LRPPRC: variants seen among roughly 807,000 people sequenced by gnomAD.
LRPPRC encodes leucine-rich PPR motif-containing protein, mitochondrial.
In LRPPRC, 120 loss-of-function variants were observed where a neutral mutation model predicts 180.3. The ratio of observed to expected loss-of-function variants is 0.67; its 90% CI spans 0.57 to 0.77. The LOEUF is 0.77. LRPPRC is among the 30% of genes least tolerant of loss of function. The probability of loss-of-function intolerance (pLI) is 0.00; values close to 1 mark genes in which losing one functional copy is unlikely to be tolerated. For missense variants in LRPPRC, 2,012 were observed against 1,657.2 expected (o/e 1.21, Z -3.72); for synonymous variants, 723 against 600.0 (o/e 1.21, Z -3.00).
intron 1 of LRPPRC, 87 bp from the exon 2 acceptor site, chr2:43,982,521 G>A: frequency 1.0e-5 from 10 of 964,118 alleles, no homozygotes; most frequent in Non-Finnish European, 1.6e-5. Flanking sequence ...TTTAAAATTA[G>A]TTATTAAACA....
At chr2:43,940,363 C>T (rs1217174398) in intron 23 of LRPPRC, among the ~76,000 whole-genome samples, 1 of 152,088 alleles carries the variant, frequency 6.6e-6, no homozygotes. Flanking sequence ...TTTTAAAAAG[C>T]CTATTTCCCA....
Position 43,899,236 on chromosome 2 carries a change from C to T in LRPPRC, c.3808G>A (p.Ala1270Thr). 6.2e-7 allele frequency: 1 copy of T among 1,613,770 alleles called. No homozygotes were observed. The highest frequency in any genetic ancestry group is 8.5e-7 in the Non-Finnish European group (1 of 1,179,702). Residue 1270 changes from alanine (A) to threonine (T), a missense_variant, in exon 34 of 38, where the codon GCC becomes ACC. Physicochemically the swap from Ala to Thr is moderately conservative, Grantham distance 58. Transcript: ENST00000260665. ...QLVDAGKVDD[A>T]RALLQRCGAI... is the part of the protein sequence containing the mutation. ...GTCATTACCTGTAGGAGAGCTCTGG[C>T]ATCATCCACCTTGCCTGCATCCACA...
At position 43,896,756 on chromosome 2, in the gene LRPPRC, G is replaced by A. The variant is rs1416426278; in HGVS notation, c.3826-48C>T. ...GTAAGTGAAGGTTTCTGATAAACAAGTGGATCAAACTGAATATTTCCAATT... is the reference window on the plus strand; with the variant it reads ...GTAAGTGAAGGTTTCTGATAAACAAATGGATCAAACTGAATATTTCCAATT... On this transcript the variant is annotated intron_variant, in intron 34 of 37. Coordinates refer to ENST00000260665, the MANE Select transcript of LRPPRC (RefSeq NM_133259.4). 3 of 1,088,066 alleles carry A rather than the reference G, an allele frequency of 2.8e-6. No individual in the cohort carries two copies. The African/African-American group carries it at 4.6e-5, about 17-fold the overall frequency. 67.4% of individuals were successfully genotyped at this position (1,088,066 alleles called of 1,614,324 possible).
chr2:43,933,583 T>C (rs1156403295), intron 25 of LRPPRC, among the ~76,000 whole-genome samples: 1 of 152,206 alleles, frequency 6.6e-6, no homozygotes, highest in African/African-American at 2.4e-5. Context: ...GACTTTATAG[T>C]TGGCCCTTGA....
At chr2:43,938,717 G>A (rs1316953678) in intron 23 of LRPPRC, among the ~76,000 whole-genome samples, 1 of 152,156 alleles carries the variant, frequency 6.6e-6, no homozygotes, top group East Asian at 1.9e-4. Context: ...TAGCATGTAA[G>A]TTTGCTGGAC....
At chr2:43,922,286 G>A (rs1671725327) in intron 27 of LRPPRC, among the ~76,000 whole-genome samples, 1 of 152,174 alleles carries the variant, frequency 6.6e-6, no homozygotes, top group South Asian at 2.1e-4. Flanking sequence ...TTCCATGGGT[G>A]TTGGCTGAGC....
At chr2:43,994,778 T>C (rs1674946156) in intron 1 of LRPPRC, among the ~76,000 whole-genome samples, 2 of 152,304 alleles carry the variant, frequency 1.3e-5, no homozygotes, top group South Asian at 4.1e-4. Context: ...ATGAACACTT[T>C]CACCAACTTT....
At chr2:43,957,334 G>T in intron 14 of LRPPRC, 51 bp downstream of exon 14, 1 of 1,224,838 alleles carries the variant, frequency 8.2e-7, no homozygotes, top group Non-Finnish European at 1.2e-6. Flanking sequence ...CAAAAGGACA[G>T]GAGAAATCAG....
chr2:43,946,282 G>A (rs781177248), intron 20 of LRPPRC, 39 bp from the exon 21 acceptor site: 11 of 1,563,926 alleles, frequency 7.0e-6, no homozygotes, highest in Admixed American at 1.7e-5. Flanking sequence ...AGAAATCAGT[G>A]TGAAGGTAAA....
At chr2:43,909,460 A>G (rs1473950635) in intron 30 of LRPPRC, among the ~76,000 whole-genome samples, 1 of 152,110 alleles carries the variant, frequency 6.6e-6, no homozygotes, top group African/African-American at 2.4e-5. Context: ...ATGAGGAGAT[A>G]ATGGTTAAAG....
intron 30 of LRPPRC, among the ~76,000 whole-genome samples, chr2:43,911,867 G>A (rs553618495): frequency 6.6e-6 from 1 of 151,938 alleles, no homozygotes; most frequent in African/African-American, 2.4e-5. Flanking sequence ...CGAAAGGAGG[G>A]GGAAACACAA....
intron 6 of LRPPRC, 73 bp from the exon 7 acceptor site, chr2:43,975,290 TGC>T: frequency 4.7e-6 from 6 of 1,281,846 alleles, no homozygotes; most frequent in Non-Finnish European, 6.6e-6. Flanking sequence ...CTAAAACATA[TGC>T]TTATTAAAAT....
intron 34 of LRPPRC, among the ~76,000 whole-genome samples, chr2:43,898,087 AAC>A (rs1491448448): frequency 4.2e-4 from 64 of 151,028 alleles, no homozygotes; most frequent in Admixed American, 1.1e-3. Flanking sequence ...AAAAAAAAAA[AAC>A]AAAGGAAAAA....
intron 23 of LRPPRC, among the ~76,000 whole-genome samples, chr2:43,939,283 AAAT>A (rs1164436820): frequency 1.8e-4 from 22 of 122,184 alleles, no homozygotes; most frequent in East Asian, 8.0e-4. Context: ...CGTCTCAAAA[AAAT>A]AAAAATAAAA....
At chr2:43,963,194 C>T (rs562297289) in intron 12 of LRPPRC, among the ~76,000 whole-genome samples, 9 of 152,080 alleles carry the variant, frequency 5.9e-5, no homozygotes, top group Non-Finnish European at 1.2e-4. Context: ...CCTGTAATCC[C>T]AACACTATGA....
chr2:43,988,236 C>CAAAAAAAAAA (rs35197756), intron 1 of LRPPRC, among the ~76,000 whole-genome samples: 1 of 95,734 alleles, frequency 1.0e-5, no homozygotes, highest in African/African-American at 4.1e-5. Context: ...GACTCTGTCT[C>CAAAAAAAAAA]AAAAAAAAAA....
intron 22 of LRPPRC, 40 bp from the exon 23 acceptor site, chr2:43,943,934 T>A: frequency 6.8e-7 from 1 of 1,468,696 alleles, no homozygotes; most frequent in Non-Finnish European, 9.5e-7. Flanking sequence ...GGTAATTTCA[T>A]GTAGGGAAAA....
chr2:43,996,010 G>A, upstream of LRPPRC: 5 of 1,500,018 alleles, frequency 3.3e-6, no homozygotes, highest in Admixed American at 2.0e-5. Context: ...GCATGTGACC[G>A]CAGGGTAGCC....
rs1352013098 is a variant in LRPPRC at position 43,957,404 on chromosome 2, G to A, written c.1630C>T (p.Leu544=). Residue 544 remains leucine, a synonymous_variant, in exon 14 of 38, where the codon CTA becomes TTA. Transcript: ENST00000260665. ...PISLQSIRSS[L]LLGFRRSMNI... ...TCTTACCTCCTGAAGCCTAGCAGTA[G>A]GCTACTTCTTATAGACTGCAGCGAG... 5 of 1,612,738 alleles carry A rather than the reference G, an allele frequency of 3.1e-6. No individual in the cohort carries two copies. Among genetic ancestry groups the A allele is most frequent in the Admixed American group, 3.3e-5 (2 of 59,986 alleles).
Sources: gnomAD v4.1 joint callset for allele counts (sites outside exome capture counted in the v4.1 genomes callset) on GRCh38, gnomAD v4.1.1 for gene constraint, MANE v1.5 for transcripts, NCBI Gene and HGNC (gene_info 2026-07-23, HGNC 2026-07-21) for gene names.